The following CSMD1 variants were observed in gnomAD, a reference collection of about 807,000 sequenced individuals.
CSMD1 encodes the protein CUB and Sushi multiple domains 1.
In CSMD1, 213 loss-of-function variants were observed where a neutral mutation model predicts 417.5. That is an observed-to-expected ratio of 0.51 (90% CI 0.46 to 0.57). The LOEUF (loss-of-function observed/expected upper bound fraction) is 0.57. Among genes scored for constraint, CSMD1 ranks in the 20% least tolerant of loss-of-function variants. The pLI, the probability that CSMD1 is intolerant of heterozygous loss-of-function variation, is 0.00. For synonymous variants in CSMD1, 2,862 were observed against 1,736.8 expected (o/e 1.65, Z -16.11); for missense variants, 6,923 against 4,529.7 (o/e 1.53, Z -15.17).
intron 1 of CSMD1, among the ~76,000 whole-genome samples, chr8:4,709,146 C>T (rs145106893): frequency 2.4e-4 from 37 of 152,220 alleles, no homozygotes; most frequent in African/African-American, 6.5e-4. Flanking sequence ...AAATTCTGAA[C>T]GAAATATAGC....
intron 18 of CSMD1, among the ~76,000 whole-genome samples, chr8:3,384,426 G>C (rs553719253): frequency 6.6e-6 from 1 of 151,458 alleles, no homozygotes; most frequent in East Asian, 1.9e-4. Context: ...TACAGACAAA[G>C]ATCTGTTACT....
intron 2 of CSMD1, among the ~76,000 whole-genome samples, chr8:4,522,484 C>G (rs1049863918): frequency 6.6e-6 from 1 of 152,164 alleles, no homozygotes; most frequent in Non-Finnish European, 1.5e-5. Flanking sequence ...AATGGCAAGA[C>G]ACAAAATGGA....
chr8:3,278,744 G>A (rs1324583749), intron 26 of CSMD1: 1 of 151,992 alleles, frequency 6.6e-6, no homozygotes, highest in Non-Finnish European at 1.5e-5. Context: ...GAGTAGTGAT[G>A]GCTTCTTGGG....
chr8:3,458,010 G>A (rs370318536), intron 12 of CSMD1, among the ~76,000 whole-genome samples: 2 of 152,110 alleles, frequency 1.3e-5, no homozygotes, highest in East Asian at 1.9e-4. Flanking sequence ...TTCATAATTC[G>A]CAAATATCAT....
chr8:4,611,810 G>A (rs1331550284), intron 2 of CSMD1, among the ~76,000 whole-genome samples: 1 of 152,028 alleles, frequency 6.6e-6, no homozygotes, highest in Non-Finnish European at 1.5e-5. Context: ...ACACATATGC[G>A]AATTTAACCT....
intron 6 of CSMD1, among the ~76,000 whole-genome samples, chr8:3,724,849 A>G (rs1271487918): frequency 1.3e-5 from 2 of 152,250 alleles, no homozygotes; most frequent in Non-Finnish European, 2.9e-5. Context: ...GTGATGGCAG[A>G]TATCAGAAGC....
intron 5 of CSMD1, among the ~76,000 whole-genome samples, chr8:3,918,769 C>G (rs551028341): frequency 6.6e-6 from 1 of 152,196 alleles, no homozygotes; most frequent in Non-Finnish European, 1.5e-5. Context: ...AGTGAAGTAA[C>G]TCAGCAATGG....
At chr8:3,728,278 A>C (rs989142482) in intron 6 of CSMD1, among the ~76,000 whole-genome samples, 5 of 152,116 alleles carry the variant, frequency 3.3e-5, no homozygotes, top group African/African-American at 9.7e-5. Context: ...CCACCATGTA[A>C]GACATCCCTT....
At chr8:4,162,186 C>T (rs1162969396) in intron 3 of CSMD1, among the ~76,000 whole-genome samples, 1 of 152,194 alleles carries the variant, frequency 6.6e-6, no homozygotes, top group Non-Finnish European at 1.5e-5. Flanking sequence ...CGCAACTTTT[C>T]TTTCCAAAAT....
chr8:4,505,434 T>C (rs1802468031), intron 2 of CSMD1, among the ~76,000 whole-genome samples: 2 of 152,300 alleles, frequency 1.3e-5, no homozygotes, highest in South Asian at 4.2e-4. Flanking sequence ...AAACAAAATA[T>C]CTCGATTTAA....
intron 2 of CSMD1, among the ~76,000 whole-genome samples, chr8:4,470,205 C>A (rs1256942685): frequency 6.6e-6 from 1 of 152,066 alleles, no homozygotes; most frequent in Non-Finnish European, 1.5e-5. Flanking sequence ...CTTCACCTGC[C>A]TCCTCTGGCC....
intron 2 of CSMD1, among the ~76,000 whole-genome samples, chr8:4,598,655 A>G (rs1800411822): frequency 6.6e-6 from 1 of 152,208 alleles, no homozygotes; most frequent in Non-Finnish European, 1.5e-5. Flanking sequence ...AGGAATCTAG[A>G]CACCTAATTT....
intron 26 of CSMD1, among the ~76,000 whole-genome samples, chr8:3,282,326 T>C (rs1489523729): frequency 6.6e-6 from 1 of 152,102 alleles, no homozygotes; most frequent in Non-Finnish European, 1.5e-5. Context: ...GTGGGAACTC[T>C]GTGCCTTCTA....
chr8:4,400,329 G>A (rs1292196155), intron 3 of CSMD1, among the ~76,000 whole-genome samples: 1 of 152,174 alleles, frequency 6.6e-6, no homozygotes, highest in African/African-American at 2.4e-5. Flanking sequence ...ATAGGAAACT[G>A]TTTTGTGTGT....
chr8:3,179,010 C>T (rs1052581652), intron 37 of CSMD1, among the ~76,000 whole-genome samples: 37 of 149,684 alleles, frequency 2.5e-4, no homozygotes, highest in Admixed American at 4.7e-4. Context: ...TGCAGTGGCG[C>T]GATCTTGGCT....
intron 8 of CSMD1, among the ~76,000 whole-genome samples, chr8:3,594,253 A>G (rs11774830): frequency 0.22 from 33,370 of 152,004 alleles, 3,808 homozygotes; most frequent in Admixed American, 0.26. Flanking sequence ...TGCTAGTGTA[A>G]GAGATACTTC....
rs370734674 is a variant in CSMD1 at position 4,945,998 on chromosome 8, TA to T, written c.85+48333del. Among the ~76,000 whole-genome samples, 8 of 152,282 alleles carry T rather than the reference TA, an allele frequency of 5.3e-5. No individual in the cohort carries two copies. In the East Asian group the frequency reaches 1.4e-3, roughly 26 times the overall value. The stretch of plus-strand genomic sequence containing the variant: ...CTCCAGAAGACACGGTAGAGACCTG[TA>T]ATAAGAACCAGTGGGCTCTTGTGAA... On this transcript the variant is annotated intron_variant, in intron 1 of 69. Transcript: ENST00000635120.
chr8:4,582,791 C>T (rs918466039), intron 2 of CSMD1, among the ~76,000 whole-genome samples: 2 of 152,196 alleles, frequency 1.3e-5, no homozygotes, highest in Non-Finnish European at 2.9e-5. Context: ...TGGCCAAGGC[C>T]GGAGCCCACT....
intron 4 of CSMD1, among the ~76,000 whole-genome samples, chr8:4,018,734 G>C (rs57596313): frequency 0.025 from 3,753 of 152,254 alleles, 163 homozygotes; most frequent in African/African-American, 0.086. Flanking sequence ...AGTTAGAAGA[G>C]AACGGACAGC....
Sources: allele counts gnomAD v4.1 joint callset (sites outside exome capture counted in the v4.1 genomes callset), GRCh38; gene constraint gnomAD v4.1.1; transcripts MANE v1.5; gene names NCBI Gene and HGNC (gene_info 2026-07-23, HGNC 2026-07-21).